The following IGHMBP2 variants were observed in gnomAD, a reference collection of about 807,000 sequenced individuals.
IGHMBP2 encodes DNA-binding protein SMUBP-2.
A neutral mutation model predicts 96.0 loss-of-function variants in IGHMBP2; 81 were observed. The observed-to-expected ratio is 0.84, with a 90% CI of 0.71 to 1.01. The LOEUF (loss-of-function observed/expected upper bound fraction) is 1.01. IGHMBP2 is among the 50% of genes least tolerant of loss of function. The pLI is 0.00. For synonymous variants in IGHMBP2, 557 were observed against 548.9 expected (o/e 1.01, Z -0.21); for missense variants, 1,227 against 1,306.3 (o/e 0.94, Z 0.94).
intron 5 of IGHMBP2, among the ~76,000 whole-genome samples, chr11:68,913,682 G>A (rs59475178): frequency 0.017 from 2,551 of 151,104 alleles, 76 homozygotes; most frequent in African/African-American, 0.057. Flanking sequence ...GCTTTGGGAG[G>A]CCAAGGGGGG....
intron 6 of IGHMBP2, among the ~76,000 whole-genome samples, 198 bp from the exon 7 acceptor site, chr11:68,917,538 T>C (rs956701118): frequency 1.3e-5 from 2 of 152,184 alleles, no homozygotes; most frequent in Non-Finnish European, 2.9e-5. Flanking sequence ...AAATGTCTCT[T>C]CCTGTGACTT....
chr11:68,933,685 G>C (rs1859407111), intron 9 of IGHMBP2, 110 bp from the exon 10 acceptor site: 1 of 1,036,140 alleles, frequency 9.7e-7, no homozygotes, highest in African/African-American at 1.6e-5. Flanking sequence ...TGTGCTCATT[G>C]TCCTCCCCTA....
chr11:68,907,891 G>A (rs1487648778), intron 2 of IGHMBP2, among the ~76,000 whole-genome samples: 1 of 151,984 alleles, frequency 6.6e-6, no homozygotes, highest in Non-Finnish European at 1.5e-5. Context: ...GGCTTTCACT[G>A]TGTTAGCCAG....
rs543707863 is a variant in IGHMBP2 at position 68,917,490 on chromosome 11, T to C, written c.913-246T>C. ...GGCAGGGCTGGTCCAATTTCTGGTCTCCTCTGAGTTAAAAACGTGGTCTCT... is the reference window on the plus strand; with the variant it reads ...GGCAGGGCTGGTCCAATTTCTGGTCCCCTCTGAGTTAAAAACGTGGTCTCT... On this transcript the variant is annotated intron_variant, in intron 6 of 14. Coordinates refer to ENST00000255078, the MANE Select transcript of IGHMBP2 (RefSeq NM_002180.3). Among the ~76,000 whole-genome samples, 199 of 152,362 alleles carry C rather than the reference T, an allele frequency of 1.3e-3. 1 individual carries two copies. Among genetic ancestry groups the C allele is most frequent in the African/African-American group, 4.5e-3 (189 of 41,586 alleles).
rs1859433249 is a variant in IGHMBP2 at position 68,934,230 on chromosome 11, A to G, written c.1538-234A>G. 8 of 631,626 alleles carry G rather than the reference A, an allele frequency of 1.3e-5. No individual in the cohort carries two copies. The South Asian group carries it at 1.4e-4, about 11-fold the overall frequency. 39.1% of individuals were successfully genotyped at this position (631,626 alleles called of 1,614,324 possible). A position where few individuals can be genotyped will look rare whatever the true frequency, so the allele number is the denominator to read the frequency against. On this transcript the variant is annotated intron_variant, in intron 10 of 14. Transcript: ENST00000255078. ...CACCATCTCCCCAGTTCCACGTTGA[A>G]CAGGATGCACGGCCATAGGAGTCAA...
Position 68,906,153 on chromosome 11 carries a change from TGGGCTGTACGGAC to T in IGHMBP2, c.174_186del (p.Leu59CysfsTer44). On this transcript the variant is annotated frameshift_variant, in exon 2 of 15. Transcript: ENST00000255078. LOFTEE classifies it high-confidence loss of function. ...AGCTGCAGGTATCCAGCCAGCGCACTGGGCTGTACGGACGGCTGCTGGTCACCTTTGAGCCCAG... is the reference window on the plus strand; with the variant it reads ...AGCTGCAGGTATCCAGCCAGCGCACTGGCTGCTGGTCACCTTTGAGCCCAG... The T allele has an allele frequency of 6.2e-7, 1 of 1,614,196 alleles. No homozygotes were observed. The highest frequency in any genetic ancestry group is 8.5e-7 in the Non-Finnish European group (1 of 1,180,020).
chr11:68,919,652 A>T (rs918700005), intron 7 of IGHMBP2, among the ~76,000 whole-genome samples: 3 of 152,186 alleles, frequency 2.0e-5, no homozygotes, highest in Non-Finnish European at 2.9e-5. Flanking sequence ...AGTCTGCTGT[A>T]TTGAGAGAGG....
intron 6 of IGHMBP2, 114 bp downstream of exon 6, chr11:68,915,137 C>T: frequency 1.9e-6 from 1 of 522,740 alleles, no homozygotes; most frequent in Admixed American, 3.3e-5. Flanking sequence ...TCTGTCGATT[C>T]CTTTAATAAT....
At chr11:68,934,326 T>C (rs1859438266) in intron 10 of IGHMBP2, 138 bp from the exon 11 acceptor site, 1 of 713,580 alleles carries the variant, frequency 1.4e-6, no homozygotes, top group Non-Finnish European at 2.5e-6. Flanking sequence ...GGGACACAGA[T>C]GATTAGCTCC....
chr11:68,937,261 C>G (rs1205272479), intron 13 of IGHMBP2, among the ~76,000 whole-genome samples, 170 bp downstream of exon 13: 1 of 152,186 alleles, frequency 6.6e-6, no homozygotes, highest in Non-Finnish European at 1.5e-5. Context: ...CGTCTGGGCT[C>G]CCCTAGGTCG....
intron 12 of IGHMBP2, 101 bp from the exon 13 acceptor site, chr11:68,936,136 G>A: frequency 7.2e-7 from 1 of 1,385,274 alleles, no homozygotes; most frequent in East Asian, 2.3e-5. Context: ...GCCACGCGCA[G>A]GGGACTACAC....
chr11:68,934,713 G>A (rs905972957), intron 11 of IGHMBP2, among the ~76,000 whole-genome samples, 155 bp downstream of exon 11: 3 of 152,190 alleles, frequency 2.0e-5, no homozygotes, highest in Admixed American at 1.3e-4. Context: ...AAATGATGTC[G>A]TCAGGGGCCC....
At chr11:68,914,747 CT>C in intron 5 of IGHMBP2, 75 bp from the exon 6 acceptor site, 1 of 1,478,612 alleles carries the variant, frequency 6.8e-7, no homozygotes, top group Non-Finnish European at 9.5e-7. Flanking sequence ...ACCTTTAAGG[CT>C]TTTTGTTGTT....
Position 68,917,862 on chromosome 11 carries a change from G to A in IGHMBP2, c.1039G>A (p.Val347Met), listed in dbSNP as rs1432881007. The A allele has an allele frequency of 3.7e-6, 6 of 1,614,108 alleles. No individual in the cohort carries two copies. Among genetic ancestry groups the A allele is most frequent in the South Asian group, 1.1e-5 (1 of 91,082 alleles). Residue 347 changes from valine (V) to methionine (M), a missense_variant, in exon 7 of 15, where the codon GTG becomes ATG. By Grantham distance (21) the Val-to-Met change is conservative. This residue lies in a region of IGHMBP2 where 507 missense variants were observed against 496.9 expected (regional missense o/e 1.02). Coordinates refer to ENST00000255078, the MANE Select transcript of IGHMBP2 (RefSeq NM_002180.3). ...GCTCGAGAGCCTCACTTCGGCAAACGTGGTCCTTGCAACAAACACAGGTGA... is the reference window on the plus strand; with the variant it reads ...GCTCGAGAGCCTCACTTCGGCAAACATGGTCCTTGCAACAAACACAGGTGA... The part of the protein sequence containing the change: ...AMLESLTSAN[V>M]VLATNTGASA...
At position 68,937,019 on chromosome 11, in the gene IGHMBP2, CA is replaced by C. The variant is rs1225532037; in HGVS notation, c.2540del (p.Gln847ArgfsTer131). On this transcript the variant is annotated frameshift_variant, in exon 13 of 15. Coordinates refer to ENST00000255078, the MANE Select transcript of IGHMBP2 (RefSeq NM_002180.3). LOFTEE classifies it high-confidence loss of function. Reference sequence around the variant, plus strand: ...GCAGAGGGTCAGGAGCGCGCAGGGGCAGCCCGCCAGCAAGGAGCAGCAGGCC... The same window carrying C: ...GCAGAGGGTCAGGAGCGCGCAGGGGCGCCCGCCAGCAAGGAGCAGCAGGCC... ...RLQRVRSAQG[Q>X]PASKEQQASG... 5 of 1,608,224 alleles carry C rather than the reference CA, an allele frequency of 3.1e-6. No homozygotes were observed. The highest frequency in any genetic ancestry group is 4.2e-6 in the Non-Finnish European group (5 of 1,179,826).
intron 6 of IGHMBP2, among the ~76,000 whole-genome samples, chr11:68,916,499 G>C (rs1209900453): frequency 1.3e-5 from 2 of 152,146 alleles, no homozygotes; most frequent in Non-Finnish European, 2.9e-5. Flanking sequence ...TGTCGGTACT[G>C]GTACTCCTTG....
At chr11:68,919,933 A>C (rs565612603) in intron 7 of IGHMBP2, among the ~76,000 whole-genome samples, 3 of 152,172 alleles carry the variant, frequency 2.0e-5, no homozygotes, top group Non-Finnish European at 4.4e-5. Flanking sequence ...TGTAAAATTT[A>C]CCATCGTAAC....
intron 5 of IGHMBP2, among the ~76,000 whole-genome samples, chr11:68,914,359 A>T (rs1410687881): frequency 6.6e-6 from 1 of 151,862 alleles, no homozygotes; most frequent in Non-Finnish European, 1.5e-5. Context: ...CTGTGAGTCC[A>T]TTTGAAACGG....
Position 68,936,941 on chromosome 11 carries a change from G to A in IGHMBP2, c.2461G>A (p.Glu821Lys). The stretch of plus-strand genomic sequence containing the variant: ...TGCGCAGACAGAGCAGCCTCCCAGG[G>A]AGCAGCGTGGCCCAGACCAGCCTGA... ...TPAQTEQPPR[E>K]QRGPDQPDLR... is the part of the protein sequence containing the mutation. Residue 821 changes from glutamate (E) to lysine (K), a missense_variant, in exon 13 of 15, where the codon GAG becomes AAG. Glu to Lys is a moderately conservative substitution (Grantham distance 56). Around this residue, in one of 3 missense-constraint regions of IGHMBP2, gnomAD observed 703 missense variants for 770.3 expected, o/e 0.91. Transcript: ENST00000255078. 1 of 1,603,722 alleles carries A rather than the reference G, an allele frequency of 6.2e-7. No homozygotes were observed.
Sources: allele counts gnomAD v4.1 joint callset (sites outside exome capture counted in the v4.1 genomes callset), GRCh38; gene constraint gnomAD v4.1.1; regional missense constraint gnomAD v4.1.1; transcripts MANE v1.5; gene names NCBI Gene and HGNC (gene_info 2026-07-23, HGNC 2026-07-21).